The following PEBP4 variants were observed in gnomAD, a reference collection of about 807,000 sequenced individuals.
PEBP4 encodes the protein phosphatidylethanolamine-binding protein 4.
A neutral mutation model predicts 23.9 loss-of-function variants in PEBP4; 22 were observed. The observed-to-expected ratio is 0.92, with a 90% CI of 0.66 to 1.31. The LOEUF is 1.31. Ranked by LOEUF, PEBP4 falls within the 40% of genes most tolerant of loss-of-function variation. The pLI is 0.00. For synonymous variants in PEBP4, 112 were observed against 99.3 expected, an observed-to-expected ratio of 1.13 and a Z score of -0.76; for missense variants, 324 against 281.7, an observed-to-expected ratio of 1.15 and a Z score of -1.07.
At chr8:22,919,059 A>G (rs1381889386) in intron 3 of PEBP4, among the ~76,000 whole-genome samples, 1 of 152,216 alleles carries the variant, frequency 6.6e-6, no homozygotes, top group East Asian at 1.9e-4. Context: ...TGCGAGCCAT[A>G]TCACAATCTA....
At position 22,795,102 on chromosome 8, in the gene PEBP4, TAA is replaced by T. The variant is rs1198400960; in HGVS notation, c.357+22533_357+22534del. 2.7e-4 allele frequency among the ~76,000 whole-genome samples: 39 copies of T among 145,436 alleles called. No individual in the cohort carries two copies. The South Asian group carries it at 8.5e-3, about 32-fold the overall frequency. On this transcript the variant is annotated intron_variant, in intron 4 of 6. Coordinates refer to ENST00000256404, the MANE Select transcript of PEBP4 (RefSeq NM_144962.3). The stretch of plus-strand genomic sequence containing the variant: ...GTATTCTCTCACCAGTGCCTACTTT[TAA>T]ATTATTTTATATATATGTGTGTATA...
intron 3 of PEBP4, among the ~76,000 whole-genome samples, chr8:22,822,325 A>G (rs1806876055): frequency 6.7e-6 from 1 of 149,992 alleles, no homozygotes; most frequent in African/African-American, 2.5e-5. Flanking sequence ...AAAAGAAAAT[A>G]GTAGGTGAAA....
chr8:22,854,578 G>A (rs1435759759), intron 3 of PEBP4, among the ~76,000 whole-genome samples: 4 of 152,176 alleles, frequency 2.6e-5, no homozygotes, highest in African/African-American at 9.7e-5. Flanking sequence ...CTGGGGCAAT[G>A]AGGGAGCAAA....
chr8:22,928,408 T>C (rs1261798309), upstream of PEBP4, among the ~76,000 whole-genome samples: 3 of 152,198 alleles, frequency 2.0e-5, no homozygotes, highest in African/African-American at 7.2e-5. Context: ...GGGTGCACCT[T>C]GCAGCTGTGC....
chr8:22,882,116 T>C (rs1370037914), intron 3 of PEBP4, among the ~76,000 whole-genome samples: 1 of 152,250 alleles, frequency 6.6e-6, no homozygotes, highest in African/African-American at 2.4e-5. Flanking sequence ...ATTCACCTTT[T>C]TCCTGCTTCT....
chr8:22,761,487 C>A (rs982640944), intron 4 of PEBP4, among the ~76,000 whole-genome samples: 19 of 152,280 alleles, frequency 1.2e-4, no homozygotes, highest in Admixed American at 6.5e-5. Context: ...TCTGGCCTGT[C>A]GGAGCCCCTT....
intron 3 of PEBP4, among the ~76,000 whole-genome samples, chr8:22,820,721 G>A (rs1186648453): frequency 1.3e-5 from 2 of 152,186 alleles, no homozygotes; most frequent in Non-Finnish European, 2.9e-5. Context: ...GCAAAGGCAG[G>A]GGTGGATTTT....
chr8:22,931,222 T>C (rs1809451399), upstream of PEBP4, among the ~76,000 whole-genome samples: 1 of 152,234 alleles, frequency 6.6e-6, no homozygotes, highest in Non-Finnish European at 1.5e-5. Context: ...CATTGATTCC[T>C]AATTAAAAAT....
At chr8:22,908,555 T>A (rs2128778315) in intron 3 of PEBP4, among the ~76,000 whole-genome samples, 1 of 152,262 alleles carries the variant, frequency 6.6e-6, no homozygotes, top group Middle Eastern at 3.4e-3. Flanking sequence ...AGTGAGGAAG[T>A]AACTTGCCCA....
intron 2 of PEBP4, among the ~76,000 whole-genome samples, chr8:22,926,035 G>C (rs913821965): frequency 6.6e-6 from 1 of 152,174 alleles, no homozygotes; most frequent in Non-Finnish European, 1.5e-5. Context: ...GAGTGCAGTG[G>C]CGCAATCTCG....
intron 3 of PEBP4, among the ~76,000 whole-genome samples, chr8:22,880,754 G>A (rs1425775184): frequency 1.3e-5 from 2 of 152,198 alleles, no homozygotes; most frequent in Non-Finnish European, 2.9e-5. Context: ...GGCCCAGGTG[G>A]ACCAGTGAGG....
Position 22,865,217 on chromosome 8 carries a change from G to A in PEBP4, c.259-47482C>T, listed in dbSNP as rs1051708238. Among the ~76,000 whole-genome samples, 5 of 152,144 alleles carry A rather than the reference G, an allele frequency of 3.3e-5. No homozygotes were observed. The highest frequency in any genetic ancestry group is 6.5e-5 in the Admixed American group (1 of 15,268). On this transcript the variant is annotated intron_variant, in intron 3 of 6. Transcript: ENST00000256404. This position sits in a 1 kb window ranked among gnomAD's most constrained non-coding sequence, Gnocchi z 6.9. ...CTCAATGCCATTTCTGAAACAGCCT[G>A]GGGGGCGGCGGGAGGGGGAGGGAAG...
In PEBP4 at chr8:22,802,729, G is replaced by A. The variant is rs148207852; in HGVS notation, c.357+14908C>T. Among the ~76,000 whole-genome samples, 1,149 of 152,346 alleles carry A rather than the reference G, an allele frequency of 7.5e-3. 5 individuals carry two copies. Among genetic ancestry groups the A allele is most frequent in the Middle Eastern group, 0.014 (4 of 294 alleles). ...GTTACTGGGAGAGCAAGCGCGCAGG[G>A]AATCGCGAGGAACTTGGAGCTTGTT... is the stretch of plus-strand genomic sequence containing the variant. On this transcript the variant is annotated intron_variant, in intron 4 of 6. Transcript: ENST00000256404.
chr8:22,850,276 G>T (rs1585305996), intron 3 of PEBP4, among the ~76,000 whole-genome samples: 1 of 152,160 alleles, frequency 6.6e-6, no homozygotes, highest in Non-Finnish European at 1.5e-5. Context: ...CAATGGAAAA[G>T]GTGAACAGGC....
intron 3 of PEBP4, among the ~76,000 whole-genome samples, chr8:22,841,706 T>G (rs1040053): frequency 0.76 from 115,579 of 152,184 alleles, 44,256 homozygotes; most frequent in South Asian, 0.84. Flanking sequence ...TGTGCTAGAA[T>G]GAACCCTGCA....
At chr8:22,785,903 A>C (rs1207781001) in intron 4 of PEBP4, among the ~76,000 whole-genome samples, 3 of 152,142 alleles carry the variant, frequency 2.0e-5, no homozygotes, top group Non-Finnish European at 4.4e-5. Flanking sequence ...TTAAAATCTC[A>C]GCTCTGCTCC....
chr8:22,870,504 T>C (rs1354281433), intron 3 of PEBP4, among the ~76,000 whole-genome samples: 1 of 152,194 alleles, frequency 6.6e-6, no homozygotes, highest in Admixed American at 6.5e-5. Flanking sequence ...ATATTACAAT[T>C]GTGGAGACTT....
chr8:22,926,106 G>C (rs926710891), intron 2 of PEBP4, among the ~76,000 whole-genome samples: 3 of 152,036 alleles, frequency 2.0e-5, no homozygotes, highest in Non-Finnish European at 4.4e-5. Flanking sequence ...CTCCTGAGTA[G>C]CTGGGATTAC....
intron 4 of PEBP4, among the ~76,000 whole-genome samples, chr8:22,805,490 G>GGC (rs1806476633): frequency 6.6e-6 from 1 of 152,126 alleles, no homozygotes; most frequent in Non-Finnish European, 1.5e-5. Context: ...CCATGCCCAT[G>GGC]TAATTTTGTA....
Sources: gnomAD v4.1 joint callset for allele counts (sites outside exome capture counted in the v4.1 genomes callset) on GRCh38, gnomAD v4.1.1 for gene constraint, Gnocchi (gnomAD v3.1) non-coding constraint, MANE v1.5 for transcripts, NCBI Gene and HGNC (gene_info 2026-07-23, HGNC 2026-07-21) for gene names.